The following ZNF341 variants were observed in gnomAD, a reference collection of about 807,000 sequenced individuals.
ZNF341 encodes the protein zinc finger protein 341.
In ZNF341, 52 loss-of-function variants were observed where a neutral mutation model predicts 87.7. That is an observed-to-expected ratio of 0.59 (90% CI 0.47 to 0.75). ZNF341 has a LOEUF of 0.75. ZNF341 is among the 30% of genes least tolerant of loss of function. ZNF341 has a pLI of 0.00. For synonymous variants in ZNF341, 459 were observed against 472.7 expected, an observed-to-expected ratio of 0.97 and a Z score of 0.38; for missense variants, 977 against 1,145.9, an observed-to-expected ratio of 0.85 and a Z score of 2.13.
At position 33,791,686 on chromosome 20, in the gene ZNF341, C is replaced by T. The variant is rs2020040335; in HGVS notation, c.*169C>T. 3 of 745,116 alleles carry T rather than the reference C, an allele frequency of 4.0e-6. No individual in the cohort carries two copies. Among genetic ancestry groups the T allele is most frequent in the East Asian group, 5.5e-5 (2 of 36,446 alleles). 46.2% of individuals were successfully genotyped at this position (745,116 alleles called of 1,614,324 possible). A position where few individuals can be genotyped will look rare whatever the true frequency, so the allele number is the denominator to read the frequency against. On this transcript the variant is annotated 3_prime_UTR_variant, in exon 15 of 15. Coordinates refer to ENST00000375200, the MANE Select transcript of ZNF341 (RefSeq NM_001282933.2). ...TCAGCCCATGGTCGCCCTCCTGTGC[C>T]CCTCTCCTGCCGGAAAGCCCTGCAA...
At chr20:33,739,609 A>T (rs770171136) in intron 1 of ZNF341, among the ~76,000 whole-genome samples, 9 of 152,240 alleles carry the variant, frequency 5.9e-5, no homozygotes, top group Non-Finnish European at 1.3e-4. Flanking sequence ...CACATTGAGA[A>T]ATAAGGAAGG....
chr20:33,736,674 A>G lies in ZNF341; in HGVS notation c.32-4228A>G, dbSNP rs574416238. ...CCAGCTAATTTTTTCTATTTTTAGT[A>G]GGGACGGGTTTCACCATGTTGCCCA... On this transcript the variant is annotated intron_variant, in intron 1 of 14. Coordinates refer to ENST00000375200, the MANE Select transcript of ZNF341 (RefSeq NM_001282933.2). Among the ~76,000 whole-genome samples the G allele has an allele frequency of 2.6e-5, 4 of 152,264 alleles. No individual in the cohort carries two copies. In the East Asian group the frequency reaches 7.7e-4, roughly 29 times the overall value.
At chr20:33,762,168 T>G in intron 8 of ZNF341, 113 bp downstream of exon 8, 2 of 851,422 alleles carry the variant, frequency 2.3e-6, no homozygotes, top group East Asian at 2.8e-5. Context: ...TGGGCTTCAA[T>G]CTACCTTTAT....
chr20:33,789,610 T>C (rs776691034), intron 14 of ZNF341, 22 bp downstream of exon 14: 29 of 1,613,226 alleles, frequency 1.8e-5, no homozygotes, highest in South Asian at 6.6e-5. Flanking sequence ...TTGGGCCTGC[T>C]AAGAGGGTCT....
At chr20:33,742,845 C>G (rs2018831919) in intron 2 of ZNF341, among the ~76,000 whole-genome samples, 1 of 152,132 alleles carries the variant, frequency 6.6e-6, no homozygotes, top group Admixed American at 6.5e-5. Context: ...AGAATTCTGT[C>G]ACATGACATT....
At chr20:33,754,519 C>A (rs576962673) in intron 5 of ZNF341, among the ~76,000 whole-genome samples, 2 of 152,294 alleles carry the variant, frequency 1.3e-5, no homozygotes, top group African/African-American at 4.8e-5. Context: ...ACGTGATGTT[C>A]TGAGGGGCTG....
chr20:33,737,186 C>G (rs975964577), intron 1 of ZNF341, among the ~76,000 whole-genome samples: 10 of 152,186 alleles, frequency 6.6e-5, no homozygotes, highest in African/African-American at 2.2e-4. Context: ...TTTATCAAGA[C>G]AGGGGAATTG....
intron 10 of ZNF341, among the ~76,000 whole-genome samples, chr20:33,776,821 ATTTG>A: frequency 6.6e-6 from 1 of 151,406 alleles, no homozygotes; most frequent in Non-Finnish European, 1.5e-5. Flanking sequence ...TCCTAGGTAA[ATTTG>A]TTTGTTTGTT....
intron 6 of ZNF341, among the ~76,000 whole-genome samples, chr20:33,757,658 T>C (rs2019207853): frequency 6.6e-6 from 1 of 152,126 alleles, no homozygotes; most frequent in African/African-American, 2.4e-5. Context: ...CTGCTGGAGC[T>C]CCAGTCATCA....
intron 2 of ZNF341, among the ~76,000 whole-genome samples, chr20:33,743,263 C>T (rs1877560509): frequency 6.6e-6 from 1 of 151,592 alleles, no homozygotes; most frequent in African/African-American, 2.4e-5. Flanking sequence ...AACTCGTGAC[C>T]CTCAGGTGAT....
intron 9 of ZNF341, among the ~76,000 whole-genome samples, chr20:33,768,118 G>A (rs989432857): frequency 7.7e-6 from 1 of 130,436 alleles, no homozygotes; most frequent in Non-Finnish European, 1.6e-5. Flanking sequence ...AGGGAACCAG[G>A]ATCAAGTGTT....
intron 14 of ZNF341, among the ~76,000 whole-genome samples, chr20:33,790,538 C>T (rs1333062269): frequency 1.3e-5 from 2 of 152,144 alleles, no homozygotes; most frequent in Non-Finnish European, 2.9e-5. Context: ...TAAAGTCTCC[C>T]TTGTTTGAGA....
intron 4 of ZNF341, among the ~76,000 whole-genome samples, chr20:33,752,736 T>A (rs1601247887): frequency 6.7e-6 from 1 of 149,334 alleles, no homozygotes; most frequent in East Asian, 2.0e-4. Context: ...CACTGCCAGC[T>A]CCGTCTCCCA....
chr20:33,782,015 C>A (rs1489522162), intron 11 of ZNF341, among the ~76,000 whole-genome samples: 1 of 152,008 alleles, frequency 6.6e-6, no homozygotes, highest in East Asian at 1.9e-4. Flanking sequence ...ACTATGTTAC[C>A]CAGGCTGGTC....
At chr20:33,783,929 C>A in intron 12 of ZNF341, 65 bp downstream of exon 12, 1 of 1,466,854 alleles carries the variant, frequency 6.8e-7, no homozygotes, top group Non-Finnish European at 9.2e-7. Context: ...TCTCCTCATG[C>A]CTTTCTCTCT....
chr20:33,750,041 C>T (rs60114725), intron 4 of ZNF341, among the ~76,000 whole-genome samples: 231 of 152,308 alleles, frequency 1.5e-3, no homozygotes, highest in African/African-American at 5.3e-3. Flanking sequence ...TGCGCCACCG[C>T]GCCCAGCCTT....
rs530989166 is a variant in ZNF341, at chr20:33,746,635, T to A, written c.339+1336T>A. 2.7e-3 allele frequency among the ~76,000 whole-genome samples: 415 copies of A among 152,052 alleles called. 2 individuals carry two copies. The highest frequency in any genetic ancestry group is 9.6e-3 in the African/African-American group (400 of 41,488). On this transcript the variant is annotated intron_variant, in intron 3 of 14. Coordinates refer to ENST00000375200, the MANE Select transcript of ZNF341 (RefSeq NM_001282933.2). ...GTCACTCTGGCTGCTGGACAGAGAA[T>A]AGGTTTTGAGGGAGGGTGAGAGAGA...
At position 33,747,644 on chromosome 20, in the gene ZNF341, A is replaced by AAC. The variant is rs1239982125; in HGVS notation, c.340-1279_340-1278insAC. Among the ~76,000 whole-genome samples, 9 of 137,836 alleles carry AAC rather than the reference A, an allele frequency of 6.5e-5. 1 individual carries two copies. The highest frequency in any genetic ancestry group is 2.4e-4 in the African/African-American group (9 of 37,494). The allele number at this position is 137,836 out of a possible 152,430, so 90.4% of individuals were successfully genotyped here. ...AAAAAAAAAAAAAAAAAAAAAAAAC[A>AAC]CAGTCATTTTTCTCACTGCTTGACT... On this transcript the variant is annotated intron_variant, in intron 3 of 14. Coordinates refer to ENST00000375200, the MANE Select transcript of ZNF341 (RefSeq NM_001282933.2).
At chr20:33,741,738 G>A (rs983923483) in intron 2 of ZNF341, among the ~76,000 whole-genome samples, 1 of 152,334 alleles carries the variant, frequency 6.6e-6, no homozygotes, top group Admixed American at 6.5e-5. Context: ...TTCTATGTGA[G>A]ACTGTGTTCA....
Sources: gnomAD v4.1 joint callset for allele counts (sites outside exome capture counted in the v4.1 genomes callset) on GRCh38, gnomAD v4.1.1 for gene constraint, MANE v1.5 for transcripts, NCBI Gene and HGNC (gene_info 2026-07-23, HGNC 2026-07-21) for gene names.